PTPRG: variants seen among roughly 807,000 people sequenced by gnomAD.
PTPRG encodes the protein protein tyrosine phosphatase receptor type G.
In PTPRG, 102 loss-of-function variants were observed where a neutral mutation model predicts 165.3. The observed-to-expected ratio is 0.62, with a 90% CI of 0.53 to 0.73. PTPRG has a LOEUF of 0.73. PTPRG is among the 30% of genes least tolerant of loss of function. The probability of loss-of-function intolerance (pLI) is 0.00; values close to 1 mark genes in which losing one functional copy is unlikely to be tolerated. For missense variants in PTPRG, 1,866 were observed against 1,861.4 expected (o/e 1.00, Z -0.05); for synonymous variants, 675 against 669.5 (o/e 1.01, Z -0.13).
At chr3:61,889,766 C>T (rs2038157048) in intron 2 of PTPRG, among the ~76,000 whole-genome samples, 1 of 152,174 alleles carries the variant, frequency 6.6e-6, no homozygotes, top group Non-Finnish European at 1.5e-5. Context: ...AAACTATTTC[C>T]ATCCTAAACT....
chr3:61,737,098 C>T (rs1367418728), intron 1 of PTPRG, among the ~76,000 whole-genome samples: 1 of 152,080 alleles, frequency 6.6e-6, no homozygotes, highest in Non-Finnish European at 1.5e-5. Context: ...ATGTGCTGTT[C>T]CCCTGTCTTT....
In PTPRG at chr3:61,706,209, GA is replaced by G. The variant is rs916303209; in HGVS notation, c.86-42659del. On this transcript the variant is annotated intron_variant, in intron 1 of 29. Transcript: ENST00000474889. ...AAAAACCCAGAAATACCCTGGGGGG[GA>G]AAAAAAAAAGAACCTGGGAAAATGT... Among the ~76,000 whole-genome samples, 638 of 147,762 alleles carry G rather than the reference GA, an allele frequency of 4.3e-3. 3 individuals are homozygous for G. Among genetic ancestry groups the G allele is most frequent in the African/African-American group, 0.011 (430 of 40,496 alleles).
intron 5 of PTPRG, among the ~76,000 whole-genome samples, chr3:62,099,344 A>AT (rs1702212659): frequency 6.6e-6 from 1 of 152,222 alleles, no homozygotes; most frequent in African/African-American, 2.4e-5. Context: ...TAGTCTTTCA[A>AT]AATGGTATTT....
At chr3:61,826,842 T>C (rs1358576001) in intron 2 of PTPRG, among the ~76,000 whole-genome samples, 1 of 151,010 alleles carries the variant, frequency 6.6e-6, no homozygotes, top group Non-Finnish European at 1.5e-5. Flanking sequence ...TTTTTTTTTT[T>C]TTTTTTCCGA....
rs1020417813 is a variant in PTPRG at position 61,950,426 on chromosome 3, C to T, written c.191-39199C>T. ...TGTTTTTTGCCCCCATGATTTTAGA[C>T]ATAGTAGGTGTTCAATGAAGTAAAT... On this transcript the variant is annotated intron_variant, in intron 2 of 29. Transcript: ENST00000474889. 1.3e-5 allele frequency among the ~76,000 whole-genome samples: 2 copies of T among 152,164 alleles called. 1 individual carries two copies. The highest frequency in any genetic ancestry group is 2.9e-5 in the Non-Finnish European group (2 of 68,036).
intron 2 of PTPRG, among the ~76,000 whole-genome samples, chr3:61,979,067 C>T (rs937362308): frequency 2.0e-5 from 3 of 152,190 alleles, no homozygotes; most frequent in Non-Finnish European, 2.9e-5. Context: ...GTTTTCATTA[C>T]AATGGATATA....
intron 4 of PTPRG, among the ~76,000 whole-genome samples, chr3:62,010,926 C>T (rs2041406530): frequency 6.6e-6 from 1 of 151,976 alleles, no homozygotes; most frequent in Non-Finnish European, 1.5e-5. Flanking sequence ...TGTCTCATGA[C>T]CAGGAAAAAT....
At chr3:61,976,530 C>G (rs78838995) in intron 2 of PTPRG, among the ~76,000 whole-genome samples, 7,311 of 152,278 alleles carry the variant, frequency 0.048, 293 homozygotes, top group Middle Eastern at 0.11. Context: ...TATTAGCAAC[C>G]TACAGGGTTC....
At chr3:61,651,481 G>T (rs1232464727) in intron 1 of PTPRG, among the ~76,000 whole-genome samples, 1 of 151,964 alleles carries the variant, frequency 6.6e-6, no homozygotes, top group Non-Finnish European at 1.5e-5. Context: ...CGGGCCTGAT[G>T]AAGCCTTAGG....
intron 2 of PTPRG, among the ~76,000 whole-genome samples, chr3:61,797,817 C>T (rs1170910586): frequency 6.6e-6 from 1 of 151,910 alleles, no homozygotes; most frequent in South Asian, 2.1e-4. Flanking sequence ...GTTTCCCCTC[C>T]TGGGTTACCT....
intron 4 of PTPRG, among the ~76,000 whole-genome samples, chr3:62,062,418 A>G (rs1700847190): frequency 6.6e-6 from 1 of 152,230 alleles, no homozygotes; most frequent in South Asian, 2.1e-4. Context: ...GTTCACAGCA[A>G]AATTCTTTCA....
intron 18 of PTPRG, 62 bp downstream of exon 18, chr3:62,267,554 TTAATA>T: frequency 6.5e-7 from 1 of 1,527,424 alleles, no homozygotes; most frequent in Non-Finnish European, 9.0e-7. Context: ...CAGAAACTGT[TTAATA>T]TATTTTAATA....
rs141395791 is a variant in PTPRG at position 61,589,011 on chromosome 3, C to T, written c.85+26639C>T. Among the ~76,000 whole-genome samples the T allele has an allele frequency of 4.3e-3, 652 of 152,260 alleles. 18 individuals are homozygous for T. Among genetic ancestry groups the T allele is most frequent in the Admixed American group, 0.037 (559 of 15,294 alleles). ...AAAACAGGGGTCAGCAAATCATAGC[C>T]TGGGACCACCCAGTCTGGCCCACTG... On this transcript the variant is annotated intron_variant, in intron 1 of 29. Transcript: ENST00000474889.
intron 7 of PTPRG, among the ~76,000 whole-genome samples, chr3:62,158,191 T>C (rs1274721393): frequency 1.3e-5 from 2 of 152,166 alleles, no homozygotes; most frequent in African/African-American, 4.8e-5. Flanking sequence ...ATCCAGGCAG[T>C]GAGAGGTCTT....
chr3:61,760,122 T>C (rs931269122), intron 2 of PTPRG, among the ~76,000 whole-genome samples: 1 of 152,254 alleles, frequency 6.6e-6, no homozygotes, highest in African/African-American at 2.4e-5. Flanking sequence ...AAAATAAGTC[T>C]TTCTGTAGGA....
chr3:61,739,870 C>G (rs1187618015), intron 1 of PTPRG, among the ~76,000 whole-genome samples: 1 of 152,192 alleles, frequency 6.6e-6, no homozygotes, highest in Admixed American at 6.5e-5. Flanking sequence ...GAGCTACTTG[C>G]TATTCACATA....
At chr3:61,601,983 A>G (rs1700881775) in intron 1 of PTPRG, among the ~76,000 whole-genome samples, 1 of 152,210 alleles carries the variant, frequency 6.6e-6, no homozygotes, top group African/African-American at 2.4e-5. Flanking sequence ...GTTGCTGTCA[A>G]CCTTCAGCCA....
chr3:61,836,366 A>C (rs1008971300), intron 2 of PTPRG, among the ~76,000 whole-genome samples: 1 of 152,178 alleles, frequency 6.6e-6, no homozygotes, highest in African/African-American at 2.4e-5. Context: ...AAAGTGGTTG[A>C]AGTAATGCAG....
At chr3:61,808,109 A>G (rs1475508831) in intron 2 of PTPRG, among the ~76,000 whole-genome samples, 1 of 152,258 alleles carries the variant, frequency 6.6e-6, no homozygotes, top group Non-Finnish European at 1.5e-5. Flanking sequence ...AATAGGCATT[A>G]CTGAAATCCA....
Sources: allele counts gnomAD v4.1 joint callset (sites outside exome capture counted in the v4.1 genomes callset), GRCh38; gene constraint gnomAD v4.1.1; transcripts MANE v1.5; gene names NCBI Gene and HGNC (gene_info 2026-07-23, HGNC 2026-07-21).